Variants in SAMD13 observed in about 807,000 individuals in gnomAD.
SAMD13 encodes the protein sterile alpha motif domain containing 13, also known as sterile alpha motif domain-containing protein 13.
A neutral mutation model predicts 12.4 loss-of-function variants in SAMD13; 9 were observed. The observed-to-expected ratio is 0.72, with a 90% confidence interval of 0.44 to 1.26. The LOEUF (loss-of-function observed/expected upper bound fraction) is 1.26. SAMD13 is among the 50% of genes most tolerant of loss of function. The pLI is 0.00. For missense variants in SAMD13, 84 were observed against 119.6 expected, an observed-to-expected ratio of 0.70 and a Z score of 1.39; for synonymous variants, 46 against 45.4, an observed-to-expected ratio of 1.01 and a Z score of -0.05.
At chr1:84,314,988 C>CCCTA (rs1466196728) in intron 2 of SAMD13, among the ~76,000 whole-genome samples, 3 of 147,610 alleles carry the variant, frequency 2.0e-5, no homozygotes, top group Non-Finnish European at 3.0e-5. Context: ...CTCCCTCCCT[C>CCCTA]CCTCTCTCTC....
chr1:84,315,169 A>C (rs186873607), intron 2 of SAMD13, among the ~76,000 whole-genome samples: 1 of 152,232 alleles, frequency 6.6e-6, no homozygotes, highest in Non-Finnish European at 1.5e-5. Context: ...TGTAGGCACA[A>C]TGTTGTACAG....
intron 3 of SAMD13, chr1:84,344,566 C>T: frequency 4.1e-6 from 1 of 240,994 alleles, no homozygotes; most frequent in South Asian, 5.5e-5. Flanking sequence ...TGATAGTATT[C>T]AAAAGGGCTT....
intron 2 of SAMD13, among the ~76,000 whole-genome samples, chr1:84,310,946 G>A (rs1678696101): frequency 6.6e-6 from 1 of 152,100 alleles, no homozygotes; most frequent in South Asian, 2.1e-4. Flanking sequence ...TCTTTAGCTA[G>A]GTCACAAGTC....
chr1:84,311,829 CCATG>C (rs1410219565), intron 2 of SAMD13, among the ~76,000 whole-genome samples: 2 of 152,122 alleles, frequency 1.3e-5, no homozygotes, highest in Non-Finnish European at 2.9e-5. Context: ...AATATCTAAA[CCATG>C]AATTTAGTTT....
At chr1:84,343,816 A>T (rs540186119) in intron 3 of SAMD13, among the ~76,000 whole-genome samples, 1 of 152,322 alleles carries the variant, frequency 6.6e-6, no homozygotes, top group South Asian at 2.1e-4. Context: ...ACATTTACCT[A>T]TGTAACAAAC....
chr1:84,302,337 C>CTT (rs34069417), intron 1 of SAMD13, among the ~76,000 whole-genome samples: 2 of 123,166 alleles, frequency 1.6e-5, no homozygotes, highest in African/African-American at 3.0e-5. Context: ...CTGTTTCTTC[C>CTT]TTTTTTTTTT....
At chr1:84,305,941 G>A (rs1032332667) in intron 2 of SAMD13, among the ~76,000 whole-genome samples, 3 of 151,942 alleles carry the variant, frequency 2.0e-5, no homozygotes, top group Non-Finnish European at 4.4e-5. Flanking sequence ...TTTTTTTCAA[G>A]GTTGTTTTGC....
intron 3 of SAMD13, among the ~76,000 whole-genome samples, chr1:84,331,071 T>G (rs1048784079): frequency 6.6e-6 from 1 of 152,142 alleles, no homozygotes; most frequent in Non-Finnish European, 1.5e-5. Flanking sequence ...TAACTTTGGA[T>G]AAGTTTCTGA....
chr1:84,344,148 G>A (rs187900639), intron 3 of SAMD13, among the ~76,000 whole-genome samples: 114 of 151,522 alleles, frequency 7.5e-4, no homozygotes, highest in African/African-American at 2.8e-3. Context: ...AATAGCACTA[G>A]GAAATACTCA....
intron 2 of SAMD13, among the ~76,000 whole-genome samples, chr1:84,309,833 A>C (rs1678668890): frequency 6.6e-6 from 1 of 152,182 alleles, no homozygotes; most frequent in South Asian, 2.1e-4. Flanking sequence ...ATTAGTGACC[A>C]AGAAAATGCA....
upstream of SAMD13, chr1:84,298,593 G>T (rs988431602): frequency 5.5e-5 from 71 of 1,283,032 alleles, 1 homozygote; most frequent in Non-Finnish European, 6.8e-5. Context: ...GTGCGCCCAG[G>T]GCGTGGGAAG....
chr1:84,338,604 AT>A (rs1679354254), intron 3 of SAMD13, among the ~76,000 whole-genome samples: 1 of 151,560 alleles, frequency 6.6e-6, no homozygotes, highest in Admixed American at 6.6e-5. Context: ...TACCCAGCTA[AT>A]TTTTGTATTT....
chr1:84,323,570 C>T (rs1047540910), intron 2 of SAMD13, among the ~76,000 whole-genome samples: 2 of 152,050 alleles, frequency 1.3e-5, no homozygotes, highest in Admixed American at 6.6e-5. Flanking sequence ...CATGTGCCAT[C>T]GATCAGTGAC....
In SAMD13 at chr1:84,350,565, A is replaced by C. The variant is rs17536473; in HGVS notation, c.*791A>C. The stretch of plus-strand genomic sequence containing the variant: ...AGAAATTTGCCGAGAGTTACAGGTC[A>C]AAAAGCCTTGTTACTAGTACAGAAT... On this transcript the variant is annotated 3_prime_UTR_variant, in exon 4 of 4. Transcript: ENST00000394834. 9,168 of 152,660 alleles carry C rather than the reference A, an allele frequency of 0.06. 357 individuals are homozygous for C. Among genetic ancestry groups the C allele is most frequent in the South Asian group, 0.085 (409 of 4,826 alleles). 9.5% of individuals were successfully genotyped at this position (152,660 alleles called of 1,614,324 possible).
At chr1:84,306,113 A>G (rs1417143351) in intron 2 of SAMD13, among the ~76,000 whole-genome samples, 1 of 152,184 alleles carries the variant, frequency 6.6e-6, no homozygotes, top group East Asian at 1.9e-4. Flanking sequence ...AAATGAACAC[A>G]GTATTTTTCT....
intron 2 of SAMD13, among the ~76,000 whole-genome samples, chr1:84,315,877 A>C (rs1273276890): frequency 6.6e-6 from 1 of 152,040 alleles, no homozygotes; most frequent in Non-Finnish European, 1.5e-5. Context: ...CCTTGCCAAC[A>C]TTTGTCATTG....
At chr1:84,323,644 T>C (rs1678995705) in intron 2 of SAMD13, among the ~76,000 whole-genome samples, 1 of 152,186 alleles carries the variant, frequency 6.6e-6, no homozygotes, top group South Asian at 2.1e-4. Context: ...GTTCCTGCTA[T>C]GGGCAAAACA....
intron 2 of SAMD13, among the ~76,000 whole-genome samples, chr1:84,306,538 C>T (rs1444270585): frequency 6.6e-6 from 1 of 151,092 alleles, no homozygotes; most frequent in Non-Finnish European, 1.5e-5. Flanking sequence ...GTGGCTAACA[C>T]CTGTAATCCC....
intron 2 of SAMD13, among the ~76,000 whole-genome samples, chr1:84,321,357 T>C (rs1365760314): frequency 6.6e-6 from 1 of 151,150 alleles, no homozygotes; most frequent in African/African-American, 2.5e-5. Context: ...ATAATAAAGC[T>C]ATATATAAAT....
Sources: allele counts gnomAD v4.1 joint callset (sites outside exome capture counted in the v4.1 genomes callset), GRCh38; gene constraint gnomAD v4.1.1; transcripts MANE v1.5; gene names NCBI Gene and HGNC (gene_info 2026-07-23, HGNC 2026-07-21).